Variants in SNRPN observed in about 807,000 individuals in gnomAD.
SNRPN encodes small nuclear ribonucleoprotein-associated protein N.
Under a neutral mutation model 25.2 loss-of-function variants are expected in SNRPN, and 7 were observed. The observed-to-expected ratio is 0.28, with a 90% CI of 0.16 to 0.52. The LOEUF (loss-of-function observed/expected upper bound fraction) is 0.52, where lower values mean the gene tolerates loss of function less well. Among genes scored for constraint, SNRPN ranks in the 20% least tolerant of loss-of-function variants. The pLI is 0.96. For synonymous variants in SNRPN, 124 were observed against 110.6 expected (o/e 1.12, Z -0.76); for missense variants, 196 against 322.5 (o/e 0.61, Z 3.00).
intron 3 of SNRPN, among the ~76,000 whole-genome samples, chr15:24,922,951 G>T (rs1383254249): frequency 8.6e-5 from 10 of 116,084 alleles, no homozygotes; most frequent in African/African-American, 3.4e-4. Flanking sequence ...GCTCAAGCTG[G>T]ATGGAGTGCA....
At chr15:24,964,537 G>A (rs1026255749) in intron 2 of SNRPN, among the ~76,000 whole-genome samples, 28 of 152,060 alleles carry the variant, frequency 1.8e-4, no homozygotes, top group African/African-American at 3.4e-4. Context: ...CAGATGATCC[G>A]CCCGCCTTGG....
chr15:24,857,661 A>G (rs2053536133), intron 1 of SNRPN, among the ~76,000 whole-genome samples: 1 of 152,052 alleles, frequency 6.6e-6, no homozygotes, highest in East Asian at 1.9e-4. Flanking sequence ...GTTTAGGCTC[A>G]ACCTTTGACA....
chr15:24,862,534 A>G lies in SNRPN; in HGVS notation c.-579+5818A>G, dbSNP rs745903132. 2.0e-4 allele frequency among the ~76,000 whole-genome samples: 31 copies of G among 151,282 alleles called. 1 individual carries two copies. Among genetic ancestry groups the G allele is most frequent in the Non-Finnish European group, 3.5e-4 (24 of 68,026 alleles). ...GGGGAAGGAGAGTCACTGATTCATT[A>G]GTGAAACACAACAAAAAAACAAAAT... On this transcript the variant is annotated intron_variant, in intron 1 of 11. Coordinates refer to the SNRPN transcript ENST00000400097.
chr15:24,880,261 G>T (rs1472652989), intron 1 of SNRPN, among the ~76,000 whole-genome samples: 1 of 152,140 alleles, frequency 6.6e-6, no homozygotes, highest in Non-Finnish European at 1.5e-5. Context: ...TTGGAGAAAA[G>T]GGCGACAGAG....
chr15:24,976,841 T>C (rs2077119227), intron 6 of SNRPN, 36 bp from the exon 7 acceptor site: 2 of 1,587,234 alleles, frequency 1.3e-6, no homozygotes, highest in African/African-American at 1.4e-5. Context: ...AACTTGTAAA[T>C]TGTTTGATTT....
intron 3 of SNRPN, among the ~76,000 whole-genome samples, chr15:24,943,028 C>A (rs920034297): frequency 2.1e-5 from 3 of 145,692 alleles, no homozygotes; most frequent in African/African-American, 7.5e-5. Flanking sequence ...ATGTCTTTAC[C>A]TTTTTTTTTT....
At chr15:24,925,428 A>G (rs2060311703) in intron 3 of SNRPN, among the ~76,000 whole-genome samples, 1 of 152,008 alleles carries the variant, frequency 6.6e-6, no homozygotes, top group South Asian at 2.1e-4. Context: ...TGGGTAACAA[A>G]GCAAGACCCC....
In SNRPN at chr15:24,965,042, A is replaced by G. The variant is rs1021347528; in HGVS notation, c.-295+2833A>G. 2.6e-5 allele frequency among the ~76,000 whole-genome samples: 4 copies of G among 152,242 alleles called. No homozygotes were observed. The East Asian group carries it at 7.7e-4, about 29-fold the overall frequency. ...CCTTGTGCGTTTTCATTTTGAGAGT[A>G]ATTGGATTATGGAATGGGTAAGCAG... On this transcript the variant is annotated intron_variant, in intron 2 of 9. Coordinates refer to ENST00000390687, the MANE Select transcript of SNRPN (RefSeq NM_003097.6).
At chr15:24,853,424 C>A (rs1044423746), upstream of SNRPN, among the ~76,000 whole-genome samples, 6 of 150,448 alleles carry the variant, frequency 4.0e-5, no homozygotes, top group Admixed American at 4.0e-4. Flanking sequence ...AGATGACTCT[C>A]GTTCTGTTGC....
At chr15:24,959,324 G>T (rs904400899) in intron 1 of SNRPN, among the ~76,000 whole-genome samples, 2 of 152,132 alleles carry the variant, frequency 1.3e-5, no homozygotes, top group African/African-American at 2.4e-5. Context: ...TTTATATGTA[G>T]ATTAAAAATA....
At chr15:24,903,037 T>G (rs1410880913) in intron 2 of SNRPN, among the ~76,000 whole-genome samples, 1 of 152,172 alleles carries the variant, frequency 6.6e-6, no homozygotes, top group Non-Finnish European at 1.5e-5. Context: ...TTACAAACCT[T>G]TAGCTAGACA....
At chr15:24,975,531 G>A (rs1284807328) in intron 5 of SNRPN, 22 bp downstream of exon 5, 2 of 1,607,292 alleles carry the variant, frequency 1.2e-6, no homozygotes, top group South Asian at 1.1e-5. Flanking sequence ...TTGGGCAAAT[G>A]GGGGTTGGAC....
rs923182298 is a variant in SNRPN at position 24,889,269 on chromosome 15, T to C, written c.-505+2680T>C. Among the ~76,000 whole-genome samples, 98 of 151,884 alleles carry C rather than the reference T, an allele frequency of 6.5e-4. 1 individual carries two copies. Among genetic ancestry groups the C allele is most frequent in the East Asian group, 5.9e-4 (3 of 5,122 alleles). The stretch of plus-strand genomic sequence containing the variant: ...AGAAAATTTGATTTATTTTAAAATA[T>C]AATGGTTTAGTCTGTAGCAAGTAAT... On this transcript the variant is annotated intron_variant, in intron 2 of 11. Coordinates refer to the SNRPN transcript ENST00000400097.
rs2060666300 is a variant in SNRPN at position 24,929,634 on chromosome 15, C to G, written c.-391+9510C>G. 6.6e-6 allele frequency among the ~76,000 whole-genome samples: 1 copy of G among 151,846 alleles called. No individual in the cohort carries two copies. The highest frequency in any genetic ancestry group is 1.5e-5 in the Non-Finnish European group (1 of 67,982). ...TGGCCCAGGGCCCTGGGCTGAGACC[C>G]AGCCAACTCTCTATGGGGCTGCCAC... On this transcript the variant is annotated intron_variant, in intron 3 of 11. Transcript: ENST00000400097. This position sits in a 1 kb window ranked among gnomAD's most constrained non-coding sequence, Gnocchi z 5.3.
chr15:24,834,728 C>CCTCTCCCTCTCTCTCTCTCTCTCT lies in SNRPN; in HGVS notation c.-579+4828_-579+4829insCCTCTCTCTCTCTCTCTCTCTCTC, dbSNP rs1555376611. Among the ~76,000 whole-genome samples, 48 of 42,790 alleles carry CCTCTCCCTCTCTCTCTCTCTCTCT rather than the reference C, an allele frequency of 1.1e-3. 3 individuals are homozygous for CCTCTCCCTCTCTCTCTCTCTCTCT. The highest frequency in any genetic ancestry group is 3.8e-3 in the East Asian group (4 of 1,066). 28.1% of individuals were successfully genotyped at this position (42,790 alleles called of 152,430 possible). A position where few individuals can be genotyped will look rare whatever the true frequency, so the allele number is the denominator to read the frequency against. On this transcript the variant is annotated intron_variant, in intron 2 of 12. Coordinates refer to the SNRPN transcript ENST00000400100. ...GAGTGAGACCTTGTCTCTCTCTCTCCCTCTCTCTCTCTCTCTCTCTCTCTA... is the reference window on the plus strand; with the variant it reads ...GAGTGAGACCTTGTCTCTCTCTCTCCCTCTCCCTCTCTCTCTCTCTCTCTCTCTCTCTCTCTCTCTCTCTCTCTA...
chr15:24,897,928 A>T (rs1261953001), intron 2 of SNRPN, among the ~76,000 whole-genome samples: 1 of 152,136 alleles, frequency 6.6e-6, no homozygotes, highest in Non-Finnish European at 1.5e-5. Flanking sequence ...GAATCAACTA[A>T]TACACCCTGT....
chr15:24,920,250 G>A (rs931829042), intron 3 of SNRPN: 9 of 152,074 alleles, frequency 5.9e-5, no homozygotes, highest in Non-Finnish European at 1.2e-4. Flanking sequence ...AATCAGAAAC[G>A]TGTTGTGTTG....
At chr15:24,953,508 G>T (rs2062444591), upstream of SNRPN, among the ~76,000 whole-genome samples, 1 of 152,058 alleles carries the variant, frequency 6.6e-6, no homozygotes, top group Admixed American at 6.6e-5. Context: ...GTTTTTTGTA[G>T]AGATGGGTTT....
intron 1 of SNRPN, among the ~76,000 whole-genome samples, chr15:24,859,390 G>C (rs2053771809): frequency 1.3e-5 from 2 of 152,164 alleles, no homozygotes; most frequent in South Asian, 4.2e-4. Context: ...TTCCACTAGA[G>C]GAACGCATTC....
Sources: gnomAD v4.1 joint callset for allele counts (sites outside exome capture counted in the v4.1 genomes callset) on GRCh38, gnomAD v4.1.1 for gene constraint, Gnocchi (gnomAD v3.1) non-coding constraint, MANE v1.5 for transcripts, NCBI Gene and HGNC (gene_info 2026-07-23, HGNC 2026-07-21) for gene names.